Variants in C12orf42 observed in about 807,000 individuals in gnomAD.
The protein encoded by C12orf42 is chromosome 12 open reading frame 42, also known as uncharacterized protein C12orf42.
C12orf42 carries 25 observed loss-of-function variants against 21.6 expected under a neutral mutation model. The observed-to-expected ratio is 1.16, with a 90% CI of 0.84 to 1.62. The LOEUF (loss-of-function observed/expected upper bound fraction) is 1.62, where lower values mean the gene tolerates loss of function less well. Ranked by LOEUF, C12orf42 falls within the 40% of genes most tolerant of loss-of-function variation. The pLI is 0.00. For synonymous variants in C12orf42, 174 were observed against 175.0 expected, an observed-to-expected ratio of 0.99 and a Z score of 0.05; for missense variants, 483 against 459.3, an observed-to-expected ratio of 1.05 and a Z score of -0.47.
the C12orf42 span, among the ~76,000 whole-genome samples, chr12:103,202,999 G>A: frequency 6.6e-6 from 1 of 152,206 alleles, no homozygotes; most frequent in Non-Finnish European, 1.5e-5. Flanking sequence ...CATTGAGGAT[G>A]ACTGACTCAA....
At chr12:103,338,576 CA>C (rs376771904) in intron 4 of C12orf42, among the ~76,000 whole-genome samples, 4 of 152,322 alleles carry the variant, frequency 2.6e-5, no homozygotes, top group African/African-American at 9.6e-5. Flanking sequence ...TATCTTCTGC[CA>C]GATTATATAT....
intron 4 of C12orf42, among the ~76,000 whole-genome samples, chr12:103,341,196 T>C (rs772256254): frequency 1.6e-4 from 24 of 148,438 alleles, no homozygotes; most frequent in Non-Finnish European, 3.1e-4. Context: ...TTTTAAAAAA[T>C]TTAAAAATAT....
In C12orf42 at chr12:103,311,232, C is replaced by T. The variant is rs115751938; in HGVS notation, c.260-4887G>A. Among the ~76,000 whole-genome samples the T allele has an allele frequency of 9.8e-3, 1,485 of 151,908 alleles. 14 individuals are homozygous for T. The highest frequency in any genetic ancestry group is 0.034 in the African/African-American group (1,414 of 41,404). ...TGTGTGTATTCCTTATACTTAAGTACAGGGAATAATTAATAAGCCACTAGG... is the reference window on the plus strand; with the variant it reads ...TGTGTGTATTCCTTATACTTAAGTATAGGGAATAATTAATAAGCCACTAGG... On this transcript the variant is annotated intron_variant, in intron 4 of 5. Coordinates refer to ENST00000548883, the MANE Select transcript of C12orf42 (RefSeq NM_198521.5).
the C12orf42 span, chr12:103,550,494 T>C: frequency 6.6e-6 from 1 of 152,202 alleles, no homozygotes; most frequent in African/African-American, 2.4e-5. Context: ...TTTGCATAAT[T>C]AACAACTGGG....
At chr12:103,451,667 C>G (rs1327093301) in intron 2 of C12orf42, among the ~76,000 whole-genome samples, 1 of 152,094 alleles carries the variant, frequency 6.6e-6, no homozygotes, top group Non-Finnish European at 1.5e-5. Context: ...AACATTCTGC[C>G]TGGAAACAAA....
At chr12:103,272,245 C>CTCTAATT (rs1358269273) in intron 5 of C12orf42, among the ~76,000 whole-genome samples, 2 of 152,100 alleles carry the variant, frequency 1.3e-5, no homozygotes, top group Non-Finnish European at 2.9e-5. Flanking sequence ...ATTTCTAGGT[C>CTCTAATT]TCTAGCATCA....
chr12:103,126,689 TAAGA>T, the C12orf42 span, among the ~76,000 whole-genome samples: 1 of 151,210 alleles, frequency 6.6e-6, no homozygotes, highest in Non-Finnish European at 1.5e-5. Context: ...GAGACAATAT[TAAGA>T]AAGGTGGTCA....
At chr12:103,143,575 A>G in the C12orf42 span, among the ~76,000 whole-genome samples, 1,251 of 152,352 alleles carry the variant, frequency 8.2e-3, 16 homozygotes, top group African/African-American at 0.028. Context: ...TTGTTTTTGC[A>G]GACTCATGGC....
At chr12:103,493,990 C>T (rs527282829) in intron 1 of C12orf42, among the ~76,000 whole-genome samples, 37 of 152,242 alleles carry the variant, frequency 2.4e-4, no homozygotes, top group African/African-American at 7.5e-4. Flanking sequence ...TTTACCAAAA[C>T]GAAGGCTCAA....
intron 4 of C12orf42, among the ~76,000 whole-genome samples, chr12:103,340,236 A>G (rs1398254720): frequency 6.6e-6 from 1 of 152,228 alleles, no homozygotes; most frequent in Non-Finnish European, 1.5e-5. Context: ...CCCCTCAAGT[A>G]TTCAGCAGAG....
the C12orf42 span, among the ~76,000 whole-genome samples, chr12:103,532,012 G>T: frequency 6.6e-6 from 1 of 152,078 alleles, no homozygotes; most frequent in South Asian, 2.1e-4. Flanking sequence ...TTAACATGTC[G>T]CATAAACACA....
At chr12:103,394,905 A>G (rs1470701805) in intron 3 of C12orf42, among the ~76,000 whole-genome samples, 2 of 152,216 alleles carry the variant, frequency 1.3e-5, no homozygotes, top group African/African-American at 4.8e-5. Context: ...AGAGAAAAGC[A>G]AGGTCATTCC....
At chr12:103,330,151 G>A (rs1237249501) in intron 4 of C12orf42, among the ~76,000 whole-genome samples, 2 of 152,010 alleles carry the variant, frequency 1.3e-5, no homozygotes, top group African/African-American at 2.4e-5. Context: ...CATTCAGACC[G>A]ACAGCAAGCA....
At chr12:103,157,836 A>G in the C12orf42 span, among the ~76,000 whole-genome samples, 6 of 152,214 alleles carry the variant, frequency 3.9e-5, no homozygotes, top group African/African-American at 1.4e-4. Context: ...ATAAAAAGTG[A>G]AAAATTTAGA....
chr12:103,218,386 T>C, the C12orf42 span, among the ~76,000 whole-genome samples: 2 of 151,990 alleles, frequency 1.3e-5, no homozygotes, highest in Non-Finnish European at 2.9e-5. Flanking sequence ...GGTTGCACAA[T>C]ATTGGCACTT....
chr12:103,513,212 G>T, the C12orf42 span, among the ~76,000 whole-genome samples: 1 of 152,108 alleles, frequency 6.6e-6, no homozygotes, highest in Non-Finnish European at 1.5e-5. Context: ...CAGGCAAGGA[G>T]AGTCAGAATG....
At chr12:103,105,918 C>T in the C12orf42 span, among the ~76,000 whole-genome samples, 930 of 152,176 alleles carry the variant, frequency 6.1e-3, 4 homozygotes, top group Middle Eastern at 0.014. Flanking sequence ...TTTTAATAGA[C>T]ACTCCACAAG....
At chr12:103,484,863 G>GGTT (rs1954717252) in intron 1 of C12orf42, among the ~76,000 whole-genome samples, 1 of 71,678 alleles carries the variant, frequency 1.4e-5, no homozygotes, top group South Asian at 6.6e-4. Flanking sequence ...TCTGGTTTCA[G>GGTT]TTTTTTTTTT....
At chr12:103,219,548 A>G in the C12orf42 span, among the ~76,000 whole-genome samples, 4 of 152,250 alleles carry the variant, frequency 2.6e-5, no homozygotes, top group East Asian at 1.9e-4. Context: ...TACAAGGAAC[A>G]TAAACAAATT....
Sources: allele counts gnomAD v4.1 joint callset (sites outside exome capture counted in the v4.1 genomes callset), GRCh38; gene constraint gnomAD v4.1.1; transcripts MANE v1.5; gene names NCBI Gene and HGNC (gene_info 2026-07-23, HGNC 2026-07-21).